The following PLXNA4 variants were observed in gnomAD, a reference collection of about 807,000 sequenced individuals.
The protein encoded by PLXNA4 is plexin-A4.
A neutral mutation model predicts 191.8 loss-of-function variants in PLXNA4; 44 were observed. The observed-to-expected ratio is 0.23, with a 90% CI of 0.18 to 0.29. The LOEUF is 0.29. PLXNA4 is among the 10% of genes least tolerant of loss of function. The probability of loss-of-function intolerance (pLI) is 1.00; values close to 1 mark genes in which losing one functional copy is unlikely to be tolerated. For synonymous variants in PLXNA4, 1,082 were observed against 1,009.5 expected (o/e 1.07, Z -1.36); for missense variants, 1,800 against 2,488.8 (o/e 0.72, Z 5.89).
chr7:132,340,214 G>C (rs1391626909), intron 3 of PLXNA4, among the ~76,000 whole-genome samples: 1 of 152,192 alleles, frequency 6.6e-6, no homozygotes, highest in East Asian at 1.9e-4. Context: ...AAAGGGTTGA[G>C]GGTCTAAGGA....
chr7:132,231,738 C>T (rs538344784), intron 5 of PLXNA4, among the ~76,000 whole-genome samples: 2 of 152,352 alleles, frequency 1.3e-5, no homozygotes, highest in East Asian at 3.9e-4. Context: ...AACCACACAT[C>T]TTCTCCATGA....
intron 1 of PLXNA4, among the ~76,000 whole-genome samples, chr7:132,523,232 A>G (rs561097097): frequency 6.6e-6 from 1 of 152,294 alleles, no homozygotes; most frequent in East Asian, 1.9e-4. Flanking sequence ...TAGTGTTAAG[A>G]CCTAAAAGAA....
intron 3 of PLXNA4, among the ~76,000 whole-genome samples, chr7:132,370,772 C>T (rs1403892998): frequency 6.6e-6 from 1 of 152,186 alleles, no homozygotes; most frequent in Non-Finnish European, 1.5e-5. Context: ...CTGCCCTGCT[C>T]AAGCCCCTAG....
intron 4 of PLXNA4, among the ~76,000 whole-genome samples, chr7:132,287,136 G>A (rs1279543256): frequency 6.6e-6 from 1 of 152,180 alleles, no homozygotes; most frequent in Non-Finnish European, 1.5e-5. Flanking sequence ...CTGGGTTCAA[G>A]TGATGCTCAT....
chr7:132,636,023 G>A (rs1004495139), intron 2 of PLXNA4, among the ~76,000 whole-genome samples: 2 of 152,200 alleles, frequency 1.3e-5, no homozygotes, highest in African/African-American at 2.4e-5. Flanking sequence ...AACTCAGAGG[G>A]TAGAGAGCTT....
chr7:132,555,045 G>GAAAAAAAAAAACAAAAAAAAAAAAA (rs770401001), intron 1 of PLXNA4, among the ~76,000 whole-genome samples: 1 of 111,932 alleles, frequency 8.9e-6, no homozygotes, highest in African/African-American at 3.7e-5. Flanking sequence ...AAACCTGAAG[G>GAAAAAAAAAAACAAAAAAAAAAAAA]AAAAAAAAAA....
chr7:132,562,534 CCT>C (rs1318046527), intron 1 of PLXNA4, among the ~76,000 whole-genome samples: 1 of 128,412 alleles, frequency 7.8e-6, no homozygotes, highest in African/African-American at 3.3e-5. Context: ...TCCTCCTTCT[CCT>C]CTTTCTCCTC....
At chr7:132,272,951 T>C (rs1050562986) in intron 4 of PLXNA4, among the ~76,000 whole-genome samples, 5 of 152,238 alleles carry the variant, frequency 3.3e-5, no homozygotes, top group Non-Finnish European at 5.9e-5. Context: ...CATTTATGTC[T>C]TTGCATGTCA....
chr7:132,149,136 G>T (rs114727609), intron 25 of PLXNA4, among the ~76,000 whole-genome samples: 2 of 152,116 alleles, frequency 1.3e-5, no homozygotes, highest in Non-Finnish European at 2.9e-5. Flanking sequence ...GGTGAAACTG[G>T]CAGGTGTGTC....
chr7:132,564,843 T>TC (rs1000004917), intron 1 of PLXNA4, among the ~76,000 whole-genome samples: 2 of 152,022 alleles, frequency 1.3e-5, no homozygotes, highest in African/African-American at 4.8e-5. Flanking sequence ...AGGATGGAGA[T>TC]CCCCCCGGGG....
At chr7:132,282,029 T>C (rs1449073660) in intron 4 of PLXNA4, among the ~76,000 whole-genome samples, 1 of 152,180 alleles carries the variant, frequency 6.6e-6, no homozygotes, top group African/African-American at 2.4e-5. Context: ...AGATGTTGGG[T>C]TCCCAGCATC....
intron 3 of PLXNA4, among the ~76,000 whole-genome samples, chr7:132,299,095 A>G (rs1469450149): frequency 6.6e-6 from 1 of 152,224 alleles, no homozygotes; most frequent in Non-Finnish European, 1.5e-5. Flanking sequence ...GTTTGAGTGC[A>G]TAGATCCAAC....
chr7:132,310,769 C>A (rs983194662), intron 3 of PLXNA4, among the ~76,000 whole-genome samples: 1 of 152,236 alleles, frequency 6.6e-6, no homozygotes, highest in African/African-American at 2.4e-5. Context: ...GCCCTAGGTT[C>A]TTCCCCTGCA....
At chr7:132,222,596 G>C (rs13238505) in intron 9 of PLXNA4, among the ~76,000 whole-genome samples, 68,322 of 151,816 alleles carry the variant, frequency 0.45, 15,860 homozygotes, top group South Asian at 0.63. Context: ...AAAGATACAC[G>C]CAAGACTAGG....
At chr7:132,327,046 G>GAC in intron 3 of PLXNA4, among the ~76,000 whole-genome samples, 1 of 149,840 alleles carries the variant, frequency 6.7e-6, no homozygotes, top group Non-Finnish European at 1.5e-5. Flanking sequence ...AAGAGGGAGG[G>GAC]AGAGAAGAAA....
chr7:132,153,874 A>T (rs1795716435), intron 25 of PLXNA4, among the ~76,000 whole-genome samples: 4 of 151,880 alleles, frequency 2.6e-5, no homozygotes, highest in Admixed American at 2.0e-4. Context: ...CAGGCTGGGG[A>T]CCCTTCAGGC....
chr7:132,340,271 T>G (rs533413941), intron 3 of PLXNA4, among the ~76,000 whole-genome samples: 1 of 152,208 alleles, frequency 6.6e-6, no homozygotes, highest in African/African-American at 2.4e-5. Flanking sequence ...GTATTGCTTA[T>G]TAAAGTTTAA....
chr7:132,631,857 C>T (rs989622308), intron 2 of PLXNA4, among the ~76,000 whole-genome samples: 1 of 152,204 alleles, frequency 6.6e-6, no homozygotes, highest in Non-Finnish European at 1.5e-5. Flanking sequence ...ACTTCAAGCA[C>T]TCTCCTTTCA....
chr7:132,506,318 C>T (rs1264738172), intron 2 of PLXNA4, among the ~76,000 whole-genome samples: 7 of 152,154 alleles, frequency 4.6e-5, no homozygotes, highest in African/African-American at 1.7e-4. Context: ...AGGAAATTTA[C>T]ACTTTTTTAA....
Sources: allele counts gnomAD v4.1 joint callset (sites outside exome capture counted in the v4.1 genomes callset), GRCh38; gene constraint gnomAD v4.1.1; transcripts MANE v1.5; gene names NCBI Gene and HGNC (gene_info 2026-07-23, HGNC 2026-07-21).